Variants in DGKZ observed in about 807,000 individuals in gnomAD.
DGKZ encodes the protein DAG kinase zeta.
Under a neutral mutation model 142.5 loss-of-function variants are expected in DGKZ, and 45 were observed. The ratio of observed to expected loss-of-function variants is 0.32; its 90% CI spans 0.25 to 0.40. DGKZ has a LOEUF of 0.40. Ranked by LOEUF, DGKZ falls within the 10% of genes least tolerant of loss-of-function variation. DGKZ has a pLI of 1.00. For synonymous variants in DGKZ, 442 were observed against 527.0 expected (o/e 0.84, Z 2.21); for missense variants, 755 against 1,306.5 (o/e 0.58, Z 6.51).
At chr11:46,349,848 C>T (rs778923935) in intron 1 of DGKZ, among the ~76,000 whole-genome samples, 8 of 152,194 alleles carry the variant, frequency 5.3e-5, no homozygotes, top group Non-Finnish European at 1.0e-4. Context: ...GGATCCCAAA[C>T]GGAACATCAC....
rs771005144 is a variant in DGKZ, at chr11:46,372,656, G to A, written c.1050G>A (p.Leu350=). The A allele has an allele frequency of 6.2e-7, 1 of 1,613,474 alleles. No homozygotes were observed. Among genetic ancestry groups the A allele is most frequent in the East Asian group, 2.2e-5 (1 of 44,866 alleles). The change falls in exon 12 of 31, where the codon CTG becomes CTA. Residue 350 remains leucine, a synonymous_variant. Transcript: ENST00000527911. This position sits in a 1 kb window ranked among gnomAD's most constrained non-coding sequence, Gnocchi z 5.9. The stretch of plus-strand genomic sequence containing the variant: ...GCAAAGTGCACAACCTGCGGATCCT[G>A]GCGTGCGGGGGCGACGGCACGGTGA...
chr11:46,367,799 A>G lies in DGKZ; in HGVS notation c.366+52A>G. The G allele has an allele frequency of 6.2e-7, 1 of 1,606,348 alleles. No homozygotes were observed. Among genetic ancestry groups the G allele is most frequent in the Non-Finnish European group, 8.5e-7 (1 of 1,174,362 alleles). On this transcript the variant is annotated intron_variant, in intron 3 of 30. Transcript: ENST00000527911. This position sits in a 1 kb window ranked among gnomAD's most constrained non-coding sequence, Gnocchi z 4.1. ...CCCTGCTGGTGGAGCCAGTAGCCGCAGCCCTTCCGGGAACGTGGGATTGAG... is the reference window on the plus strand; with the variant it reads ...CCCTGCTGGTGGAGCCAGTAGCCGCGGCCCTTCCGGGAACGTGGGATTGAG...
Position 46,374,716 on chromosome 11 carries a change from C to T in DGKZ, c.1524+50C>T, listed in dbSNP as rs746490668. ...GTGGGTGGGCCGGAAGGGAGGGAGG[C>T]GGAGGCCACCTGGCACATGCACCTC... On this transcript the variant is annotated intron_variant, in intron 17 of 30. Transcript: ENST00000527911. 6.8e-6 allele frequency: 11 copies of T among 1,610,480 alleles called. 1 individual carries two copies. Among genetic ancestry groups the T allele is most frequent in the Admixed American group, 5.0e-5 (3 of 59,800 alleles).
chr11:46,338,312 G>A (rs779166099), intron 1 of DGKZ, among the ~76,000 whole-genome samples: 10 of 151,832 alleles, frequency 6.6e-5, no homozygotes, highest in South Asian at 2.1e-4. Context: ...CCTGGCCAAC[G>A]TGGTTAAATC....
At chr11:46,357,638 T>C (rs553164855) in intron 1 of DGKZ, among the ~76,000 whole-genome samples, 1 of 152,360 alleles carries the variant, frequency 6.6e-6, no homozygotes, top group South Asian at 2.1e-4. Context: ...CCAGGCACCA[T>C]GCCGGGCATG....
At chr11:46,353,019 G>A (rs1941597722) in intron 1 of DGKZ, among the ~76,000 whole-genome samples, 1 of 152,250 alleles carries the variant, frequency 6.6e-6, no homozygotes, top group African/African-American at 2.4e-5. Flanking sequence ...GCAGGTTCGA[G>A]TGAGACCAAG....
chr11:46,343,400 G>T (rs923083999), upstream of DGKZ, among the ~76,000 whole-genome samples: 5 of 152,312 alleles, frequency 3.3e-5, no homozygotes, highest in Admixed American at 2.0e-4. Flanking sequence ...TTAAGGGTCG[G>T]GATAGCATCT....
chr11:46,363,994 A>G (rs577453490), intron 1 of DGKZ, among the ~76,000 whole-genome samples: 97 of 152,310 alleles, frequency 6.4e-4, no homozygotes, highest in African/African-American at 2.3e-3. Flanking sequence ...ATGGAGCTGC[A>G]GGTCCTGCTT....
At chr11:46,366,227 G>T (rs759925206) in intron 1 of DGKZ, 9 of 1,543,126 alleles carry the variant, frequency 5.8e-6, no homozygotes, top group Non-Finnish European at 7.8e-6. Flanking sequence ...GATGCTCCCG[G>T]TCTCTGTGCC....
chr11:46,374,111 A>G (rs772801867), intron 14 of DGKZ, 46 bp from the exon 15 acceptor site: 1 of 1,601,114 alleles, frequency 6.2e-7, no homozygotes, highest in Non-Finnish European at 8.6e-7. Flanking sequence ...GAGCGGGGAC[A>G]TTTGTGAGGC....
chr11:46,365,648 C>G (rs1347892179), intron 1 of DGKZ: 2 of 985,234 alleles, frequency 2.0e-6, no homozygotes, highest in East Asian at 2.3e-4. Context: ...GGCTGAGAGA[C>G]TCTGGGGGTC....
At chr11:46,349,619 T>C (rs1376406183) in intron 1 of DGKZ, among the ~76,000 whole-genome samples, 1 of 152,188 alleles carries the variant, frequency 6.6e-6, no homozygotes, top group Non-Finnish European at 1.5e-5. Context: ...CAGCCTGGTC[T>C]TGAATTCCTG....
intron 1 of DGKZ, chr11:46,364,831 A>G (rs1943075010): frequency 1.0e-6 from 1 of 985,388 alleles, no homozygotes; most frequent in Non-Finnish European, 1.2e-6. Flanking sequence ...TCAGGGGACC[A>G]CAGGGCTTCT....
At chr11:46,352,421 C>T (rs1049591165) in intron 1 of DGKZ, among the ~76,000 whole-genome samples, 4 of 152,208 alleles carry the variant, frequency 2.6e-5, no homozygotes, top group Admixed American at 6.5e-5. Flanking sequence ...CTCTAGCTGC[C>T]GGGCGGAGCC....
chr11:46,369,820 A>G (rs113036131), intron 5 of DGKZ, 121 bp from the exon 6 acceptor site: 9 of 1,080,532 alleles, frequency 8.3e-6, no homozygotes, highest in African/African-American at 4.7e-5. Flanking sequence ...CCCCTCCTCC[A>G]CTCATGCGCA....
At chr11:46,347,446 C>A, upstream of DGKZ, 1 of 982,738 alleles carries the variant, frequency 1.0e-6, no homozygotes, top group Non-Finnish European at 1.2e-6. The surrounding 1 kb of genome is among the most constrained non-coding windows in gnomAD (Gnocchi z 6.4). Flanking sequence ...ATGCGGGGTC[C>A]TGCGGCCGCG....
rs771866893 is a variant in DGKZ, at chr11:46,371,382, G to T, written c.640G>T (p.Ala214Ser). Residue 214 changes from alanine to serine, a missense_variant and splice_region_variant, in exon 7 of 31, where the codon GCA becomes TCA. Ala to Ser is a moderately conservative substitution (Grantham distance 99, BLOSUM62 1). This residue lies in a region of DGKZ where 142 missense variants were observed against 244.4 expected (regional missense o/e 0.58). Coordinates refer to ENST00000527911, the Ensembl canonical transcript of DGKZ. The stretch of plus-strand genomic sequence containing the variant: ...CATCAGCTGCTCGTGGTGCAAGCAG[G>T]CAGTGAGTGGTGCCCCCGCCCCCAG... 7.4e-6 allele frequency: 12 copies of T among 1,613,604 alleles called. No individual in the cohort carries two copies. The African/African-American group carries it at 1.5e-4, about 20-fold the overall frequency.
chr11:46,345,156 C>G (rs1590385185), upstream of DGKZ: 5 of 791,516 alleles, frequency 6.3e-6, no homozygotes, highest in Non-Finnish European at 8.8e-6. This position sits in a 1 kb window ranked among gnomAD's most constrained non-coding sequence, Gnocchi z 4.1. Context: ...GAAAACCAGA[C>G]AGGAGCCCAG....
chr11:46,365,351 G>A (rs1474835338), intron 1 of DGKZ: 6 of 985,430 alleles, frequency 6.1e-6, no homozygotes, highest in Non-Finnish European at 7.2e-6. Context: ...TGGGGTATCC[G>A]TACTTTGTCC....
Sources: gnomAD v4.1 joint callset for allele counts (sites outside exome capture counted in the v4.1 genomes callset) on GRCh38, gnomAD v4.1.1 for gene constraint, gnomAD v4.1.1 regional missense constraint, Gnocchi (gnomAD v3.1) non-coding constraint, MANE v1.5 for transcripts, NCBI Gene and HGNC (gene_info 2026-07-23, HGNC 2026-07-21) for gene names.